P4HA1: variants seen among roughly 807,000 people sequenced by gnomAD.
The protein encoded by P4HA1 is prolyl 4-hydroxylase subunit alpha-1.
P4HA1 carries 24 observed loss-of-function variants against 72.8 expected under a neutral mutation model. That is an observed-to-expected ratio of 0.33 (90% confidence interval 0.24 to 0.46). The LOEUF is 0.46. P4HA1 is among the 20% of genes least tolerant of loss of function. The pLI is 1.00. For synonymous variants in P4HA1, 201 were observed against 218.8 expected (o/e 0.92, Z 0.72); for missense variants, 446 against 640.6 (o/e 0.70, Z 3.28).
intron 5 of P4HA1, among the ~76,000 whole-genome samples, chr10:73,062,342 G>A (rs900864150): frequency 2.6e-5 from 4 of 151,706 alleles, no homozygotes; most frequent in African/African-American, 4.8e-5. Context: ...CTGTTACACA[G>A]AAAATCACAT....
chr10:73,039,854 C>CTTTTTTTTT (rs765288935), intron 9 of P4HA1, among the ~76,000 whole-genome samples: 2 of 86,998 alleles, frequency 2.3e-5, no homozygotes, highest in African/African-American at 5.3e-5. Context: ...CTGAGATGGC[C>CTTTTTTTTT]TTTTTTTTTT....
intron 1 of P4HA1, among the ~76,000 whole-genome samples, chr10:73,078,151 AATC>A (rs1314697764): frequency 1.3e-5 from 2 of 151,858 alleles, no homozygotes; most frequent in Non-Finnish European, 2.9e-5. Context: ...AGTTCATACA[AATC>A]AATAAGAAAA....
chr10:73,083,253 G>A (rs1383265640), intron 1 of P4HA1, among the ~76,000 whole-genome samples: 2 of 152,180 alleles, frequency 1.3e-5, no homozygotes, highest in Non-Finnish European at 2.9e-5. Context: ...TAAAAGAAGA[G>A]TGAGCTACAT....
At position 73,053,463 on chromosome 10, in the gene P4HA1, G is replaced by A. The variant is rs201200914; in HGVS notation, c.591C>T (p.Gly197=). 5.6e-6 allele frequency: 9 copies of A among 1,613,932 alleles called. No homozygotes were observed. Among genetic ancestry groups the A allele is most frequent in the African/African-American group, 1.3e-5 (1 of 74,898 alleles). The part of the protein sequence containing the change: ...MEQALRQLDE[G]EISTIDKVSV... ...AGACTTTATCTATGGTAGAAATCTC[G>A]CCTTCATCCAGTTGCCTTAGGGCTT... is the stretch of plus-strand genomic sequence containing the variant. The change falls in exon 6 of 15, where the codon GGC becomes GGT. Residue 197 remains glycine, a synonymous_variant. Transcript: ENST00000394890.
chr10:73,074,817 T>TA lies in P4HA1; in HGVS notation c.66dup (p.Thr23TyrfsTer8). On this transcript the variant is annotated frameshift_variant, in exon 2 of 15. Transcript: ENST00000394890. LOFTEE classifies it high-confidence loss of function. The stretch of plus-strand genomic sequence containing the variant: ...AAGTAGTAAGACTTACCAATTGAAG[T>TA]AAAAAAGCCTGGATGAGCCAAAGAC... 1 of 1,542,160 alleles carries TA rather than the reference T, an allele frequency of 6.5e-7. No homozygotes were observed. The highest frequency in any genetic ancestry group is 9.0e-7 in the Non-Finnish European group (1 of 1,116,088).
At chr10:73,020,574 A>AGC (rs1424901657) in intron 10 of P4HA1, among the ~76,000 whole-genome samples, 11 of 152,306 alleles carry the variant, frequency 7.2e-5, no homozygotes, top group African/African-American at 2.6e-4. Context: ...TTATGAAGCC[A>AGC]GCATCATCAT....
At chr10:73,049,901 C>T (rs6480660) in intron 7 of P4HA1, among the ~76,000 whole-genome samples, 7,522 of 152,138 alleles carry the variant, frequency 0.049, 607 homozygotes, top group African/African-American at 0.17. Context: ...TGGTGGCTGA[C>T]GCCTGTAATC....
intron 1 of P4HA1, among the ~76,000 whole-genome samples, chr10:73,082,236 A>G (rs1841840581): frequency 6.6e-6 from 1 of 152,136 alleles, no homozygotes; most frequent in African/African-American, 2.4e-5. Context: ...TTCAACTTAC[A>G]GTTGGTTTAT....
chr10:73,035,255 A>G (rs1333782943), intron 9 of P4HA1, among the ~76,000 whole-genome samples: 1 of 152,038 alleles, frequency 6.6e-6, no homozygotes, highest in Non-Finnish European at 1.5e-5. Flanking sequence ...AAAAAAATCT[A>G]ATAACCTCCC....
intron 9 of P4HA1, among the ~76,000 whole-genome samples, chr10:73,037,547 ATATATATATATATATATATATATATT>A (rs1353379824): frequency 8.3e-4 from 23 of 27,588 alleles, no homozygotes; most frequent in East Asian, 4.0e-3. Context: ...ATATATATAT[ATATATATATATATATATATATATATT>A]TTTTTTTTTT....
chr10:73,020,253 T>C (rs1019582614), intron 10 of P4HA1, among the ~76,000 whole-genome samples: 1 of 151,830 alleles, frequency 6.6e-6, no homozygotes, highest in Non-Finnish European at 1.5e-5. Context: ...TCCTCAGAGA[T>C]TATTATGAAC....
chr10:73,090,299 T>C (rs186216929), intron 1 of P4HA1, among the ~76,000 whole-genome samples: 42 of 149,886 alleles, frequency 2.8e-4, no homozygotes, highest in African/African-American at 8.1e-4. Context: ...ACCCAGCTAA[T>C]GTTATTTTAT....
At chr10:73,089,665 T>C (rs1462137199) in intron 1 of P4HA1, among the ~76,000 whole-genome samples, 1 of 145,596 alleles carries the variant, frequency 6.9e-6, no homozygotes, top group Non-Finnish European at 1.5e-5. Context: ...CATAACAACA[T>C]GGATGAATCT....
At position 73,072,186 on chromosome 10, in the gene P4HA1, G is replaced by A. The variant is rs1419070461; in HGVS notation, c.174-6C>T. On this transcript the variant is annotated splice_region_variant and splice_polypyrimidine_tract_variant and intron_variant, in intron 3 of 14. Transcript: ENST00000394890. ...GATCTAACTTCTCTGCCCATCTACAGATGTAAAACATAAAAACTGAATATT... is the reference window on the plus strand; with the variant it reads ...GATCTAACTTCTCTGCCCATCTACAAATGTAAAACATAAAAACTGAATATT... 3.1e-6 allele frequency: 5 copies of A among 1,599,298 alleles called. No homozygotes were observed. In the African/African-American group the frequency reaches 6.7e-5, roughly 22 times the overall value.
intron 8 of P4HA1, 144 bp from the exon 9 acceptor site, chr10:73,045,195 G>A (rs916573524): frequency 6.9e-6 from 4 of 583,686 alleles, no homozygotes; most frequent in African/African-American, 3.8e-5. Context: ...CTTGTGCTGA[G>A]CCTTGAAAGC....
chr10:73,044,357 ATC>A (rs1178928372), intron 9 of P4HA1, among the ~76,000 whole-genome samples: 2 of 152,220 alleles, frequency 1.3e-5, no homozygotes, highest in African/African-American at 4.8e-5. Context: ...CTGTTTTTAA[ATC>A]TCTCTGGCAA....
chr10:73,074,766 A>C, intron 2 of P4HA1, 42 bp downstream of exon 2: 1 of 1,058,566 alleles, frequency 9.4e-7, no homozygotes, highest in Non-Finnish European at 1.5e-6. Context: ...TGGAAATTAA[A>C]AAATGCAAAA....
intron 5 of P4HA1, among the ~76,000 whole-genome samples, chr10:73,056,193 A>C (rs1474322768): frequency 6.6e-6 from 1 of 152,250 alleles, no homozygotes; most frequent in Non-Finnish European, 1.5e-5. Flanking sequence ...TTATAGCTAA[A>C]AACTGTAATA....
intron 5 of P4HA1, 60 bp downstream of exon 5, chr10:73,068,786 A>T (rs1405792425): frequency 1.5e-6 from 2 of 1,334,016 alleles, no homozygotes; most frequent in Non-Finnish European, 1.1e-6. Context: ...ACATTGTGTT[A>T]ATGGACTCAA....
Sources: allele counts gnomAD v4.1 joint callset (sites outside exome capture counted in the v4.1 genomes callset), GRCh38; gene constraint gnomAD v4.1.1; transcripts MANE v1.5; gene names NCBI Gene and HGNC (gene_info 2026-07-23, HGNC 2026-07-21).